Variants in TANGO6 observed in about 807,000 individuals in gnomAD.
The protein encoded by TANGO6 is transport and Golgi organization protein 6 homolog.
In TANGO6, 90 loss-of-function variants were observed where a neutral mutation model predicts 114.2. The observed-to-expected ratio is 0.79, with a 90% confidence interval of 0.66 to 0.94. The LOEUF is 0.94. Among genes scored for constraint, TANGO6 ranks in the 40% least tolerant of loss-of-function variants. TANGO6 has a pLI of 0.00. For missense variants in TANGO6, 1,274 were observed against 1,315.3 expected, an observed-to-expected ratio of 0.97 and a Z score of 0.49; for synonymous variants, 477 against 509.8, an observed-to-expected ratio of 0.94 and a Z score of 0.87.
chr16:69,000,644 T>C (rs1175833129), intron 15 of TANGO6, among the ~76,000 whole-genome samples: 2 of 151,964 alleles, frequency 1.3e-5, no homozygotes, highest in African/African-American at 4.8e-5. Context: ...CAGGCTGGAG[T>C]GCAGTGGCAT....
intron 16 of TANGO6, chr16:69,035,101 T>C (rs966235046): frequency 6.6e-6 from 1 of 152,162 alleles, no homozygotes; most frequent in African/African-American, 2.4e-5. Flanking sequence ...TGGGGGCTGA[T>C]ACAAAGCCAC....
At chr16:69,040,995 C>G (rs960014223) in intron 17 of TANGO6, among the ~76,000 whole-genome samples, 4 of 151,910 alleles carry the variant, frequency 2.6e-5, no homozygotes, top group African/African-American at 9.7e-5. Context: ...GAATGAGCGA[C>G]CTCTAAATTA....
At position 68,975,503 on chromosome 16, in the gene TANGO6, G is replaced by A. The variant is rs148704379; in HGVS notation, c.2842+1335G>A. On this transcript the variant is annotated intron_variant, in intron 15 of 17. Transcript: ENST00000261778. ...CCCAAAGTGCTGGGATTATAAGCAT[G>A]AGCCATTCTGCATCTTATTGGCTGT... 5.3e-3 allele frequency among the ~76,000 whole-genome samples: 805 copies of A among 151,584 alleles called. 4 individuals are homozygous for A. The highest frequency in any genetic ancestry group is 0.017 in the South Asian group (80 of 4,784).
chr16:69,048,157 A>C (rs1454499867), intron 17 of TANGO6, among the ~76,000 whole-genome samples: 1 of 151,518 alleles, frequency 6.6e-6, no homozygotes, highest in Non-Finnish European at 1.5e-5. Flanking sequence ...ATATCAGCTC[A>C]CTGCTGCCTC....
rs930813476 is a variant in TANGO6 at position 68,933,245 on chromosome 16, T to C, written c.2701+2950T>C. On this transcript the variant is annotated intron_variant, in intron 14 of 17. Coordinates refer to ENST00000261778, the MANE Select transcript of TANGO6 (RefSeq NM_024562.2). ...GCCTGATCAACATGGTGAAACCCTG[T>C]CCCTGCTAAAAATACAAAAATTAGC... Among the ~76,000 whole-genome samples the C allele has an allele frequency of 4.6e-5, 7 of 152,310 alleles. No individual in the cohort carries two copies. In the South Asian group the frequency reaches 8.3e-4, roughly 18 times the overall value.
At chr16:68,957,774 C>G (rs1010175954) in intron 14 of TANGO6, among the ~76,000 whole-genome samples, 1 of 151,916 alleles carries the variant, frequency 6.6e-6, no homozygotes, top group African/African-American at 2.4e-5. Flanking sequence ...TAGAGAAATA[C>G]AAGATAAGTT....
At chr16:68,847,351 C>T (rs1445581650) in intron 1 of TANGO6, among the ~76,000 whole-genome samples, 5 of 152,124 alleles carry the variant, frequency 3.3e-5, no homozygotes, top group African/African-American at 7.2e-5. Context: ...TGGGAACCCC[C>T]GGCAAGCCAG....
rs751056535 is a variant in TANGO6, at chr16:68,909,366, G to A, written c.1956G>A (p.Glu652=). 1 of 1,582,896 alleles carries A rather than the reference G, an allele frequency of 6.3e-7. No homozygotes were observed. Among genetic ancestry groups the A allele is most frequent in the Non-Finnish European group, 8.6e-7 (1 of 1,161,988 alleles). Residue 652 remains glutamate (E), a synonymous_variant, in exon 11 of 18, where the codon GAG becomes GAA. Coordinates refer to ENST00000261778, the MANE Select transcript of TANGO6 (RefSeq NM_024562.2). ...TGCAGCTGATGGCTGTTCTGTGCGA[G>A]AGAATGTCTGAGCAGATATTCACAA... ...LVLQLMAVLC[E]RMSEQIFTNV...
intron 1 of TANGO6, among the ~76,000 whole-genome samples, chr16:68,857,423 A>T (rs1962014886): frequency 6.6e-6 from 1 of 150,522 alleles, no homozygotes; most frequent in Non-Finnish European, 1.5e-5. Context: ...AAATCCTTTC[A>T]CCTTTTGAAG....
chr16:69,048,345 G>A (rs1959895478), intron 17 of TANGO6, among the ~76,000 whole-genome samples: 1 of 135,292 alleles, frequency 7.4e-6, no homozygotes, highest in African/African-American at 3.0e-5. Context: ...CAAGCAATTT[G>A]CCCACCTCTG....
At chr16:68,846,667 CTTTT>C (rs1260147357) in intron 1 of TANGO6, 24 of 124,882 alleles carry the variant, frequency 1.9e-4, no homozygotes, top group South Asian at 8.4e-4. Context: ...GGCTAATTTT[CTTTT>C]TTTTTTTTTT....
rs1053856282 is a variant in TANGO6, at chr16:68,948,516, G to A, written c.2701+18221G>A. 1.6e-4 allele frequency among the ~76,000 whole-genome samples: 24 copies of A among 152,038 alleles called. 1 individual carries two copies. On this transcript the variant is annotated intron_variant, in intron 14 of 17. Coordinates refer to ENST00000261778, the MANE Select transcript of TANGO6 (RefSeq NM_024562.2). Reference sequence around the variant, plus strand: ...TCTGAAGTCTACATTTTTGCCACAGGGAAAAATAATCAATCATAGTGCCCT... The same window carrying A: ...TCTGAAGTCTACATTTTTGCCACAGAGAAAAATAATCAATCATAGTGCCCT...
chr16:68,869,858 A>G (rs1962241068), intron 4 of TANGO6, among the ~76,000 whole-genome samples: 1 of 152,176 alleles, frequency 6.6e-6, no homozygotes, highest in African/African-American at 2.4e-5. Context: ...AGAAATGAGC[A>G]TAGTGCTTCT....
At chr16:68,954,601 A>G (rs146401867) in intron 14 of TANGO6, among the ~76,000 whole-genome samples, 289 of 152,324 alleles carry the variant, frequency 1.9e-3, no homozygotes, top group African/African-American at 6.3e-3. Context: ...GTCATGCCAC[A>G]TACACACCCT....
At chr16:69,052,833 G>C (rs1417470287) in intron 17 of TANGO6, among the ~76,000 whole-genome samples, 2 of 152,100 alleles carry the variant, frequency 1.3e-5, no homozygotes, top group East Asian at 3.9e-4. Context: ...ATAGTGCCAG[G>C]CACGGTGGCT....
chr16:68,900,156 G>A (rs550133556), intron 7 of TANGO6: 1 of 349,212 alleles, frequency 2.9e-6, no homozygotes, highest in Non-Finnish European at 5.1e-6. Flanking sequence ...AAGTAGGAAA[G>A]GAAGAGGTCA....
rs1239338670 is a variant in TANGO6, at chr16:68,974,151, G to A, written c.2825G>A (p.Arg942Gln). 5.6e-6 allele frequency: 9 copies of A among 1,613,944 alleles called. No individual in the cohort carries two copies. Among genetic ancestry groups the A allele is most frequent in the Non-Finnish European group, 6.8e-6 (8 of 1,179,874 alleles). Residue 942 changes from arginine (R) to glutamine (Q), a missense_variant, in exon 15 of 18, where the codon CGA becomes CAA. Physicochemically the swap from Arg to Gln is conservative, Grantham distance 43. This residue lies in a region of TANGO6 where 238 missense variants were observed against 252.9 expected (regional missense o/e 0.94). Transcript: ENST00000261778. ...TRMKVGEVLM[R>Q]IVRALGDMVS... ...ATGAAAGTCGGGGAAGTCCTTATGC[G>A]AATCGTCAGGGCATTAGGTGAGTTT...
At chr16:68,954,249 CAAAAAAAAA>C (rs552507549) in intron 14 of TANGO6, among the ~76,000 whole-genome samples, 4 of 60,150 alleles carry the variant, frequency 6.7e-5, no homozygotes, top group Non-Finnish European at 1.4e-4. Flanking sequence ...GACTCCATCT[CAAAAAAAAA>C]AAAAAAAAAA....
At chr16:68,961,555 G>A (rs1230695317) in intron 14 of TANGO6, among the ~76,000 whole-genome samples, 1 of 152,134 alleles carries the variant, frequency 6.6e-6, no homozygotes, top group African/African-American at 2.4e-5. Flanking sequence ...TTGCTGTTGT[G>A]TTTGTATTTA....
Sources: gnomAD v4.1 joint callset for allele counts (sites outside exome capture counted in the v4.1 genomes callset) on GRCh38, gnomAD v4.1.1 for gene constraint, gnomAD v4.1.1 regional missense constraint, MANE v1.5 for transcripts, NCBI Gene and HGNC (gene_info 2026-07-23, HGNC 2026-07-21) for gene names.